ABCA4: variants seen among roughly 807,000 people sequenced by gnomAD.
ABCA4 encodes retinal-specific phospholipid-transporting ATPase ABCA4.
ABCA4 carries 196 observed loss-of-function variants against 263.7 expected under a neutral mutation model. The ratio of observed to expected loss-of-function variants is 0.74; its 90% CI spans 0.66 to 0.84. The LOEUF (loss-of-function observed/expected upper bound fraction) is 0.84. Ranked by LOEUF, ABCA4 falls within the 40% of genes least tolerant of loss-of-function variation. The pLI, the probability that ABCA4 is intolerant of heterozygous loss-of-function variation, is 0.00. For synonymous variants in ABCA4, 1,133 were observed against 1,094.2 expected (o/e 1.04, Z -0.70); for missense variants, 2,792 against 2,855.1 (o/e 0.98, Z 0.50).
In ABCA4 at chr1:94,047,069, G is replaced by C; in HGVS notation, c.2768C>G (p.Pro923Arg). Residue 923 changes from proline (P) to arginine (R), a missense_variant, in exon 19 of 50, where the codon CCA becomes CGA. Coordinates refer to ENST00000370225, the MANE Select transcript of ABCA4 (RefSeq NM_000350.3). ...CACGCATACCCCAGGAACCCACCCT[G>C]GATGCTCACGTTCAAAGAAGGAGTC... is the stretch of plus-strand genomic sequence containing the variant. ...IHDSFFEREH[P>R]GWVPGVCVKN... 5.6e-6 allele frequency: 9 copies of C among 1,614,108 alleles called. No individual in the cohort carries two copies. The highest frequency in any genetic ancestry group is 7.6e-6 in the Non-Finnish European group (9 of 1,180,028).
At chr1:94,059,991 A>AAG (rs952530508) in intron 14 of ABCA4, among the ~76,000 whole-genome samples, 7 of 152,166 alleles carry the variant, frequency 4.6e-5, no homozygotes, top group African/African-American at 1.7e-4. Flanking sequence ...CATCCTTTAA[A>AAG]AGAGAGAGAG....
intron 1 of ABCA4, among the ~76,000 whole-genome samples, chr1:94,116,619 C>T (rs528161983): frequency 6.6e-6 from 1 of 152,324 alleles, no homozygotes; most frequent in African/African-American, 2.4e-5. Context: ...AGACCACCAG[C>T]CATTCTTTTC....
chr1:94,025,869 C>T (rs1660028651), intron 30 of ABCA4, among the ~76,000 whole-genome samples: 1 of 152,164 alleles, frequency 6.6e-6, no homozygotes, highest in African/African-American at 2.4e-5. Flanking sequence ...GATTTGTGAG[C>T]TGTTGTGTCC....
chr1:94,094,521 A>G (rs1662069356), intron 6 of ABCA4, among the ~76,000 whole-genome samples: 1 of 152,214 alleles, frequency 6.6e-6, no homozygotes. Context: ...TTTCAAAGGA[A>G]AACCGTGAGC....
intron 20 of ABCA4, 59 bp downstream of exon 20, chr1:94,044,554 G>C: frequency 6.2e-7 from 1 of 1,613,818 alleles, no homozygotes; most frequent in East Asian, 2.2e-5. Flanking sequence ...CTAGAGAAGT[G>C]TGCTGGGGGC....
chr1:94,118,029 T>A lies in ABCA4; in HGVS notation c.66+2951A>T, dbSNP rs537925683. Among the ~76,000 whole-genome samples the A allele has an allele frequency of 5.3e-5, 8 of 152,276 alleles. No individual in the cohort carries two copies. The South Asian group carries it at 1.5e-3, about 28-fold the overall frequency. ...ATCAGTGACCAGACTATTGGATAGATCTCGATCCACGGGGGTCAGTGTGGT... is the reference window on the plus strand; with the variant it reads ...ATCAGTGACCAGACTATTGGATAGAACTCGATCCACGGGGGTCAGTGTGGT... On this transcript the variant is annotated intron_variant, in intron 1 of 49. Transcript: ENST00000370225.
Position 94,117,854 on chromosome 1 carries a change from C to G in ABCA4, c.66+3126G>C, listed in dbSNP as rs1427561985. ...AAGGCAGTGGCTGTGTCTAGCTTAC[C>G]TTGGTATAGGGCAAACACACGTCCC... On this transcript the variant is annotated intron_variant, in intron 1 of 49. Coordinates refer to ENST00000370225, the MANE Select transcript of ABCA4 (RefSeq NM_000350.3). Among the ~76,000 whole-genome samples the G allele has an allele frequency of 2.6e-5, 4 of 152,186 alleles. No homozygotes were observed. In the South Asian group the frequency reaches 6.2e-4, roughly 24 times the overall value.
chr1:94,034,621 G>C (rs1660295052), intron 26 of ABCA4, among the ~76,000 whole-genome samples: 2 of 151,268 alleles, frequency 1.3e-5, no homozygotes, highest in Non-Finnish European at 2.9e-5. Flanking sequence ...CATCTGAAAA[G>C]TGGCTGAGAG....
Position 94,116,629 on chromosome 1 carries a change from C to G in ABCA4, c.67-3563G>C, listed in dbSNP as rs940698922. On this transcript the variant is annotated intron_variant, in intron 1 of 49. Coordinates refer to ENST00000370225, the MANE Select transcript of ABCA4 (RefSeq NM_000350.3). ...GTCAAAGACCACCAGCCATTCTTTTCCTAGCCTGACAGGTCTGGTTTTCAC... is the reference window on the plus strand; with the variant it reads ...GTCAAAGACCACCAGCCATTCTTTTGCTAGCCTGACAGGTCTGGTTTTCAC... 9.2e-5 allele frequency among the ~76,000 whole-genome samples: 14 copies of G among 152,192 alleles called. 1 individual carries two copies. The highest frequency in any genetic ancestry group is 3.4e-4 in the African/African-American group (14 of 41,438).
chr1:94,010,670 C>G lies in ABCA4; in HGVS notation c.5714+130G>C, dbSNP rs545855215. 570 of 1,358,520 alleles carry G rather than the reference C, an allele frequency of 4.2e-4. 3 individuals carry two copies. The African/African-American group carries it at 7.0e-3, about 17-fold the overall frequency. The allele number at this position is 1,358,520 out of a possible 1,614,324, so 84.2% of individuals were successfully genotyped here. A position where few individuals can be genotyped will look rare whatever the true frequency, so the allele number is the denominator to read the frequency against. On this transcript the variant is annotated intron_variant, in intron 40 of 49. Coordinates refer to ENST00000370225, the MANE Select transcript of ABCA4 (RefSeq NM_000350.3). ...CTCTACTTGTATTATTGGAGAAAAG[C>G]CAGGCTTTGAGAATGTAGAAAAAAC...
intron 11 of ABCA4, 71 bp from the exon 12 acceptor site, chr1:94,063,388 A>G (rs1661183435): frequency 6.9e-7 from 1 of 1,442,804 alleles, no homozygotes; most frequent in South Asian, 1.1e-5. Context: ...ACACACAGAA[A>G]GTCACAGGAT....
At chr1:94,029,809 C>T (rs1452662261) in intron 29 of ABCA4, among the ~76,000 whole-genome samples, 178 bp from the exon 30 acceptor site, 3 of 152,148 alleles carry the variant, frequency 2.0e-5, no homozygotes, top group South Asian at 4.1e-4. Flanking sequence ...TTGTGACTGA[C>T]TAGGTGTGGG....
rs62642574 is a variant in ABCA4, at chr1:94,024,994, C to T, written c.4594G>A (p.Asp1532Asn). 4.6e-5 allele frequency: 74 copies of T among 1,614,062 alleles called. No homozygotes were observed. Among genetic ancestry groups the T allele is most frequent in the Admixed American group, 1.7e-5 (1 of 60,006 alleles). Residue 1532 changes from aspartate (D) to asparagine (N), a missense_variant, in exon 31 of 50, where the codon GAC (aspartate) becomes AAC (asparagine). Transcript: ENST00000370225. Reference sequence around the variant, plus strand: ...GCAGGATACGTTTTTACCAAGAAGTCGGAGATGTTCCTGTCCGTCAGGTCT... The same window carrying T: ...GCAGGATACGTTTTTACCAAGAAGTTGGAGATGTTCCTGTCCGTCAGGTCT... ...LQDLTDRNIS[D>N]FLVKTYPALI...
At chr1:94,007,453 A>C (rs940200206) in intron 43 of ABCA4, among the ~76,000 whole-genome samples, 181 bp downstream of exon 43, 1 of 149,684 alleles carries the variant, frequency 6.7e-6, no homozygotes, top group African/African-American at 2.5e-5. Context: ...AATTCAGTTC[A>C]CTTTTCCATT....
intron 6 of ABCA4, among the ~76,000 whole-genome samples, chr1:94,089,469 T>C (rs1442962784): frequency 1.8e-4 from 25 of 141,990 alleles, no homozygotes; most frequent in South Asian, 2.1e-4. Context: ...CTTTCTTTTC[T>C]ATTTTTTTTT....
intron 6 of ABCA4, among the ~76,000 whole-genome samples, chr1:94,092,170 A>G (rs1661986034): frequency 6.6e-6 from 1 of 152,238 alleles, no homozygotes; most frequent in Non-Finnish European, 1.5e-5. Flanking sequence ...GTAAATAAGT[A>G]GCCTCAGGTT....
Position 94,046,975 on chromosome 1 carries a change from G to C in ABCA4, c.2862C>G (p.Tyr954Ter). The C allele has an allele frequency of 6.2e-7, 1 of 1,614,132 alleles. No homozygotes were observed. Among genetic ancestry groups the C allele is most frequent in the Non-Finnish European group, 8.5e-7 (1 of 1,180,014 alleles). ...CCAGGAATGCGGTGATCTGGTTCTC[G>C]TAGAAGGTGATGTTCAGACGGTCCA... ...PAVDRLNITF[Y>*]ENQITAFLGH... The change falls in exon 19 of 50, where the codon TAC (tyrosine) becomes TAG (stop). Residue 954 changes from tyrosine (Y) to a stop codon, truncating the protein, a stop_gained. Coordinates refer to ENST00000370225, the MANE Select transcript of ABCA4 (RefSeq NM_000350.3). LOFTEE classifies it high-confidence loss of function.
At chr1:94,085,249 G>A (rs115685474) in intron 6 of ABCA4, among the ~76,000 whole-genome samples, 3 of 152,282 alleles carry the variant, frequency 2.0e-5, no homozygotes, top group African/African-American at 7.2e-5. Context: ...AGGAAAAAAA[G>A]GTGGAGAACA....
At chr1:94,091,729 A>C (rs570059622) in intron 6 of ABCA4, among the ~76,000 whole-genome samples, 29 of 152,340 alleles carry the variant, frequency 1.9e-4, no homozygotes, top group African/African-American at 7.0e-4. Context: ...GTTCAAGGTC[A>C]GACTAGACCT....
Sources: allele counts gnomAD v4.1 joint callset (sites outside exome capture counted in the v4.1 genomes callset), GRCh38; gene constraint gnomAD v4.1.1; transcripts MANE v1.5; gene names NCBI Gene and HGNC (gene_info 2026-07-23, HGNC 2026-07-21).